Variants in TNRC6A observed in about 807,000 individuals in gnomAD.
TNRC6A encodes the protein trinucleotide repeat containing adaptor 6A.
A neutral mutation model predicts 221.2 loss-of-function variants in TNRC6A; 44 were observed. That is an observed-to-expected ratio of 0.20 (90% CI 0.16 to 0.26). The LOEUF (loss-of-function observed/expected upper bound fraction) is 0.26, where lower values mean the gene tolerates loss of function less well. Among genes scored for constraint, TNRC6A ranks in the 10% least tolerant of loss-of-function variants. TNRC6A has a pLI of 1.00. For synonymous variants in TNRC6A, 847 were observed against 838.5 expected (o/e 1.01, Z -0.18); for missense variants, 2,199 against 2,404.4 (o/e 0.91, Z 1.79).
At chr16:24,639,324 A>T (rs1901806630) in intron 1 of TNRC6A, among the ~76,000 whole-genome samples, 1 of 152,012 alleles carries the variant, frequency 6.6e-6, no homozygotes, top group African/African-American at 2.4e-5. Flanking sequence ...TGTCTCTATA[A>T]AAAATTTAAA....
At chr16:24,707,788 G>T (rs1405610992) in intron 2 of TNRC6A, among the ~76,000 whole-genome samples, 1 of 152,256 alleles carries the variant, frequency 6.6e-6, no homozygotes, top group African/African-American at 2.4e-5. Context: ...GGCCAGTGCG[G>T]TGGCTCACGC....
chr16:24,789,431 A>G lies in TNRC6A; in HGVS notation c.789A>G (p.Glu263=), dbSNP rs2058047369. 2 of 1,614,244 alleles carry G rather than the reference A, an allele frequency of 1.2e-6. No homozygotes were observed. Among genetic ancestry groups the G allele is most frequent in the Non-Finnish European group, 8.5e-7 (1 of 1,180,046 alleles). The change falls in exon 6 of 25, where the codon GAA becomes GAG. Residue 263 remains glutamate (E), a synonymous_variant. Coordinates refer to ENST00000395799, the MANE Select transcript of TNRC6A (RefSeq NM_014494.4). ...CMDADSASSS[E]SERNITIMAS... Reference sequence around the variant, plus strand: ...ATGCTGATTCTGCCTCCAGTTCTGAATCAGAGAGAAACATCACTATCATGG... The same window carrying G: ...ATGCTGATTCTGCCTCCAGTTCTGAGTCAGAGAGAAACATCACTATCATGG...
intron 1 of TNRC6A, among the ~76,000 whole-genome samples, chr16:24,638,093 A>G (rs1004710543): frequency 8.5e-5 from 13 of 152,110 alleles, no homozygotes; most frequent in African/African-American, 2.9e-4. Context: ...CTGTGATGCC[A>G]TTTATACAAA....
rs555314606 is a variant in TNRC6A at position 24,616,836 on chromosome 16, G to A, written n.276+6352G>A. On this transcript the variant is annotated intron_variant and non_coding_transcript_variant, in intron 1 of 2. Coordinates refer to the TNRC6A transcript ENST00000566108. ...CTCAGGAGCCTGAGGCAGGAGAACC[G>A]CTTGAACCCTGATGGCAGAGGTTGC... is the stretch of plus-strand genomic sequence containing the variant. Among the ~76,000 whole-genome samples, 12 of 152,154 alleles carry A rather than the reference G, an allele frequency of 7.9e-5. No homozygotes were observed. In the East Asian group the frequency reaches 2.1e-3, roughly 27 times the overall value.
chr16:24,799,368 A>G (rs1212800571), intron 11 of TNRC6A, among the ~76,000 whole-genome samples: 2 of 152,184 alleles, frequency 1.3e-5, no homozygotes, highest in South Asian at 2.1e-4. Context: ...TTCTGCACGC[A>G]TTTGTCCGGT....
chr16:24,653,234 C>T (rs112243259), intron 2 of TNRC6A, among the ~76,000 whole-genome samples: 2 of 152,054 alleles, frequency 1.3e-5, no homozygotes, highest in African/African-American at 2.4e-5. Context: ...AACAAGGGAG[C>T]GTTCACCTCA....
rs2058839728 is a variant in TNRC6A, at chr16:24,824,846, A to G, written c.*1039A>G. 6.6e-6 allele frequency: 1 copy of G among 152,312 alleles called. No individual in the cohort carries two copies. The highest frequency in any genetic ancestry group is 2.4e-5 in the African/African-American group (1 of 41,402). 9.4% of individuals were successfully genotyped at this position (152,312 alleles called of 1,614,324 possible). On this transcript the variant is annotated 3_prime_UTR_variant, in exon 25 of 25. Coordinates refer to ENST00000395799, the MANE Select transcript of TNRC6A (RefSeq NM_014494.4). ...CCCCAACTTTTAGCACTGATACTACATATTGCTCTGTTAAAGAATTTTCTC... is the reference window on the plus strand; with the variant it reads ...CCCCAACTTTTAGCACTGATACTACGTATTGCTCTGTTAAAGAATTTTCTC...
intron 2 of TNRC6A, among the ~76,000 whole-genome samples, chr16:24,718,102 T>C (rs780361911): frequency 6.6e-6 from 1 of 152,022 alleles, no homozygotes; most frequent in Non-Finnish European, 1.5e-5. Context: ...ATTCAACAAA[T>C]ATGAATTCCA....
intron 4 of TNRC6A, among the ~76,000 whole-genome samples, chr16:24,772,320 T>C (rs1244020741): frequency 6.6e-6 from 1 of 152,244 alleles, no homozygotes; most frequent in Non-Finnish European, 1.5e-5. Context: ...CTCCAATAAT[T>C]TAAATGCGAT....
Position 24,761,275 on chromosome 16 carries a change from T to C in TNRC6A, c.163+2915T>C, listed in dbSNP as rs113055706. ...TTCTTGAAAGTTTTATTCTTGTGAC[T>C]TCAACTTTGAAAAACTGTAAAGAAC... On this transcript the variant is annotated intron_variant, in intron 4 of 24. Coordinates refer to ENST00000395799, the MANE Select transcript of TNRC6A (RefSeq NM_014494.4). Among the ~76,000 whole-genome samples, 15 of 152,338 alleles carry C rather than the reference T, an allele frequency of 9.8e-5. 1 individual carries two copies. The highest frequency in any genetic ancestry group is 2.6e-4 in the African/African-American group (11 of 41,578).
intron 2 of TNRC6A, among the ~76,000 whole-genome samples, chr16:24,716,071 C>G (rs1413993286): frequency 6.6e-6 from 1 of 152,234 alleles, no homozygotes; most frequent in East Asian, 1.9e-4. Flanking sequence ...TTGGTCTCTA[C>G]AGACACCGAG....
chr16:24,801,608 C>G (rs1434743908), intron 11 of TNRC6A, among the ~76,000 whole-genome samples: 1 of 150,376 alleles, frequency 6.6e-6, no homozygotes, highest in African/African-American at 2.5e-5. Flanking sequence ...TCACTGCAAC[C>G]TCTGCCTCCC....
At chr16:24,688,433 G>A (rs1236819239) in intron 2 of TNRC6A, among the ~76,000 whole-genome samples, 1 of 152,124 alleles carries the variant, frequency 6.6e-6, no homozygotes, top group East Asian at 1.9e-4. Context: ...GGAGCCACTT[G>A]AGGCATTGAC....
At chr16:24,746,690 A>G (rs1444648548) in intron 2 of TNRC6A, among the ~76,000 whole-genome samples, 2 of 152,200 alleles carry the variant, frequency 1.3e-5, no homozygotes, top group South Asian at 2.1e-4. Context: ...ATACTTCCAA[A>G]TTGCTCACCA....
chr16:24,671,551 C>T (rs2055302787), intron 2 of TNRC6A, among the ~76,000 whole-genome samples: 2 of 152,344 alleles, frequency 1.3e-5, no homozygotes, highest in East Asian at 1.9e-4. Flanking sequence ...CTGCAGTTCT[C>T]GCACTGCCTG....
At chr16:24,659,847 A>C (rs1331240667) in intron 2 of TNRC6A, among the ~76,000 whole-genome samples, 1 of 152,222 alleles carries the variant, frequency 6.6e-6, no homozygotes, top group Non-Finnish European at 1.5e-5. Context: ...TTACCATGAA[A>C]ATTCCATAGG....
At chr16:24,739,878 CA>C (rs2056855625) in intron 2 of TNRC6A, among the ~76,000 whole-genome samples, 1 of 152,112 alleles carries the variant, frequency 6.6e-6, no homozygotes, top group African/African-American at 2.4e-5. Flanking sequence ...TTGTTGGCAA[CA>C]AATCCAAGGT....
At chr16:24,610,896 T>C (rs561800684) in intron 1 of TNRC6A, among the ~76,000 whole-genome samples, 179 of 152,228 alleles carry the variant, frequency 1.2e-3, no homozygotes, top group South Asian at 4.1e-3. Flanking sequence ...CTGCAACCTC[T>C]GCCTTCCGGG....
chr16:24,765,688 A>C (rs2057457546), intron 4 of TNRC6A, among the ~76,000 whole-genome samples: 1 of 152,210 alleles, frequency 6.6e-6, no homozygotes, highest in Admixed American at 6.5e-5. Context: ...TCTTTGAGCT[A>C]TGTAACAAAT....
Sources: allele counts gnomAD v4.1 joint callset (sites outside exome capture counted in the v4.1 genomes callset), GRCh38; gene constraint gnomAD v4.1.1; transcripts MANE v1.5; gene names NCBI Gene and HGNC (gene_info 2026-07-23, HGNC 2026-07-21).